Variants in RPS6KC1 observed in about 807,000 individuals in gnomAD.
The protein encoded by RPS6KC1 is ribosomal protein S6 kinase C1, also known as inactive ribosomal protein S6 kinase delta-1.
RPS6KC1 carries 54 observed loss-of-function variants against 103.8 expected under a neutral mutation model. The observed-to-expected ratio is 0.52, with a 90% CI of 0.42 to 0.65. The LOEUF (loss-of-function observed/expected upper bound fraction) is 0.65. Ranked by LOEUF, RPS6KC1 falls within the 30% of genes least tolerant of loss-of-function variation. The probability of loss-of-function intolerance (pLI) is 0.00; values close to 1 mark genes in which losing one functional copy is unlikely to be tolerated. For synonymous variants in RPS6KC1, 439 were observed against 438.7 expected, an observed-to-expected ratio of 1.00 and a Z score of -0.01; for missense variants, 1,151 against 1,253.8, an observed-to-expected ratio of 0.92 and a Z score of 1.24.
At chr1:213,315,022 C>A in the RPS6KC1 span, among the ~76,000 whole-genome samples, 1 of 152,236 alleles carries the variant, frequency 6.6e-6, no homozygotes, top group East Asian at 1.9e-4. Context: ...CGTAATTCAA[C>A]CAGGAAAATC....
the RPS6KC1 span, among the ~76,000 whole-genome samples, chr1:213,758,913 A>G: frequency 6.6e-6 from 1 of 151,698 alleles, no homozygotes; most frequent in Non-Finnish European, 1.5e-5. Flanking sequence ...CAAAAGATTT[A>G]GAATATTTGT....
chr1:213,261,491 A>G lies in RPS6KC1; in HGVS notation c.2912-67A>G, dbSNP rs548628580. 224 of 1,385,304 alleles carry G rather than the reference A, an allele frequency of 1.6e-4. 3 individuals are homozygous for G. The South Asian group carries it at 2.5e-3, about 16-fold the overall frequency. The allele number at this position is 1,385,304 out of a possible 1,614,324, so 85.8% of individuals were successfully genotyped here. On this transcript the variant is annotated intron_variant, in intron 12 of 14. Transcript: ENST00000366960. ...GCATTAAAAAGGTCACCTTGCTAAT[A>G]CATGTTAATTTTGAAAGTTTAATTG... is the stretch of plus-strand genomic sequence containing the variant.
At chr1:213,639,525 T>A in the RPS6KC1 span, among the ~76,000 whole-genome samples, 2 of 151,546 alleles carry the variant, frequency 1.3e-5, no homozygotes, top group African/African-American at 4.8e-5. Flanking sequence ...AGCTGAAGAG[T>A]TTTTTGGGAT....
chr1:213,131,556 G>C (rs1050111546), intron 6 of RPS6KC1, among the ~76,000 whole-genome samples: 3 of 151,992 alleles, frequency 2.0e-5, no homozygotes, highest in African/African-American at 7.2e-5. Context: ...TGATTCTCCT[G>C]CCTCAGCCTC....
the RPS6KC1 span, among the ~76,000 whole-genome samples, chr1:213,389,855 G>GT: frequency 3.9e-5 from 6 of 151,920 alleles, no homozygotes; most frequent in Admixed American, 6.6e-5. Flanking sequence ...GTTCTTTAGG[G>GT]TTTTTTTTCA....
At chr1:213,672,103 T>C in the RPS6KC1 span, among the ~76,000 whole-genome samples, 2 of 152,194 alleles carry the variant, frequency 1.3e-5, no homozygotes, top group Non-Finnish European at 2.9e-5. Context: ...GCTTCCAGGA[T>C]GCTCTGGACT....
the RPS6KC1 span, among the ~76,000 whole-genome samples, chr1:213,592,213 A>G: frequency 6.6e-6 from 1 of 152,170 alleles, no homozygotes; most frequent in Non-Finnish European, 1.5e-5. Context: ...ATGATCAAAG[A>G]GGAATGTGAA....
chr1:213,074,734 A>T (rs1312288550), intron 2 of RPS6KC1, among the ~76,000 whole-genome samples: 1 of 150,714 alleles, frequency 6.6e-6, no homozygotes, highest in South Asian at 2.1e-4. Flanking sequence ...CTGACAGACT[A>T]TCTACTGGTT....
At chr1:213,080,884 A>G (rs902513108) in intron 3 of RPS6KC1, among the ~76,000 whole-genome samples, 1 of 152,254 alleles carries the variant, frequency 6.6e-6, no homozygotes, top group Non-Finnish European at 1.5e-5. Flanking sequence ...TTATTATGAC[A>G]GAGCAAATAT....
At chr1:213,813,340 G>T in the RPS6KC1 span, among the ~76,000 whole-genome samples, 1 of 151,862 alleles carries the variant, frequency 6.6e-6, no homozygotes, top group Non-Finnish European at 1.5e-5. Flanking sequence ...CCCTTGTCTT[G>T]CTGCCCACCA....
the RPS6KC1 span, among the ~76,000 whole-genome samples, chr1:213,640,281 T>A: frequency 2.0e-5 from 3 of 151,144 alleles, no homozygotes; most frequent in Non-Finnish European, 4.4e-5. Flanking sequence ...ATTTGTGTCT[T>A]CTCTCTCTCT....
chr1:213,244,810 TCTTCCAGGTTGTC>T (rs2094428499), intron 12 of RPS6KC1, among the ~76,000 whole-genome samples: 1 of 152,174 alleles, frequency 6.6e-6, no homozygotes, highest in Non-Finnish European at 1.5e-5. Context: ...TTTGCTGTCC[TCTTCCAGGTTGTC>T]CTTCACTAGC....
At chr1:213,365,919 T>C in the RPS6KC1 span, among the ~76,000 whole-genome samples, 1 of 152,258 alleles carries the variant, frequency 6.6e-6, no homozygotes, top group African/African-American at 2.4e-5. Flanking sequence ...AATAAAACTT[T>C]ATGTAAACAG....
chr1:213,333,627 G>A, the RPS6KC1 span, among the ~76,000 whole-genome samples: 4 of 152,164 alleles, frequency 2.6e-5, no homozygotes, highest in East Asian at 1.9e-4. Context: ...GGGACATTTC[G>A]ATAACAAGAA....
the RPS6KC1 span, among the ~76,000 whole-genome samples, chr1:213,534,410 G>A: frequency 6.6e-6 from 1 of 152,170 alleles, no homozygotes; most frequent in African/African-American, 2.4e-5. Flanking sequence ...CACCCGCTTG[G>A]TGTTCATCCT....
chr1:213,593,112 G>T, the RPS6KC1 span, among the ~76,000 whole-genome samples: 1 of 152,092 alleles, frequency 6.6e-6, no homozygotes, highest in African/African-American at 2.4e-5. Context: ...GACTCGAGAT[G>T]CTCAAACAGC....
chr1:213,148,089 T>C (rs915789338), intron 6 of RPS6KC1, among the ~76,000 whole-genome samples: 2 of 152,242 alleles, frequency 1.3e-5, no homozygotes, highest in African/African-American at 4.8e-5. Flanking sequence ...TTCTAATAAT[T>C]TTCTTGTCTC....
chr1:213,696,502 CAAAAAAAAAAAAAAAA>C, the RPS6KC1 span, among the ~76,000 whole-genome samples: 621 of 120,966 alleles, frequency 5.1e-3, 6 homozygotes, highest in African/African-American at 0.016. Flanking sequence ...AACTCCGTCT[CAAAAAAAAAAAAAAAA>C]AAAAAAAAAA....
the RPS6KC1 span, among the ~76,000 whole-genome samples, chr1:213,713,040 G>A: frequency 1.7e-3 from 254 of 152,178 alleles, 1 homozygote; most frequent in African/African-American, 5.8e-3. Flanking sequence ...TGTTCTTGTG[G>A]TGGGGGTGGG....
Sources: gnomAD v4.1 joint callset for allele counts (sites outside exome capture counted in the v4.1 genomes callset) on GRCh38, gnomAD v4.1.1 for gene constraint, MANE v1.5 for transcripts, NCBI Gene and HGNC (gene_info 2026-07-23, HGNC 2026-07-21) for gene names.